OLFM3: variants seen among roughly 807,000 people sequenced by gnomAD.
OLFM3 encodes the protein olfactomedin 3, also known as noelin-3.
A neutral mutation model predicts 48.6 loss-of-function variants in OLFM3; 20 were observed. The observed-to-expected ratio is 0.41, with a 90% CI of 0.29 to 0.60. The LOEUF (loss-of-function observed/expected upper bound fraction) is 0.60, where lower values mean the gene tolerates loss of function less well. Ranked by LOEUF, OLFM3 falls within the 20% of genes least tolerant of loss-of-function variation. The pLI, the probability that OLFM3 is intolerant of heterozygous loss-of-function variation, is 0.28. For missense variants in OLFM3, 437 were observed against 544.3 expected (o/e 0.80, Z 1.96); for synonymous variants, 222 against 198.1 (o/e 1.12, Z -1.01).
At chr1:101,812,639 G>C (rs1654123652) in intron 4 of OLFM3, 1 of 985,522 alleles carries the variant, frequency 1.0e-6, no homozygotes, top group South Asian at 4.7e-5. Context: ...CTTTGGCTTC[G>C]ATGGTGCTTG....
intron 1 of OLFM3, among the ~76,000 whole-genome samples, chr1:101,976,152 T>A (rs1660947364): frequency 6.6e-6 from 1 of 152,214 alleles, no homozygotes; most frequent in Non-Finnish European, 1.5e-5. Flanking sequence ...GTGTGGGTAT[T>A]TTTGTTATTA....
At chr1:101,946,198 C>CTAAG (rs60378430) in intron 1 of OLFM3, among the ~76,000 whole-genome samples, 60,773 of 151,784 alleles carry the variant, frequency 0.4, 12,409 homozygotes, top group East Asian at 0.51. Flanking sequence ...AGACATTTCT[C>CTAAG]TAATCAGAAT....
chr1:101,884,756 T>C (rs1245274179), intron 1 of OLFM3, among the ~76,000 whole-genome samples: 1 of 152,000 alleles, frequency 6.6e-6, no homozygotes, highest in Non-Finnish European at 1.5e-5. Context: ...TGATGCTTTG[T>C]CCCTGAAGTC....
intron 1 of OLFM3, among the ~76,000 whole-genome samples, chr1:101,898,387 C>T (rs1294603906): frequency 6.6e-6 from 1 of 152,152 alleles, no homozygotes; most frequent in Non-Finnish European, 1.5e-5. Context: ...CAAACGCATA[C>T]AGCTTTATCG....
chr1:101,893,255 A>T (rs1238063505), intron 1 of OLFM3: 2 of 309,644 alleles, frequency 6.5e-6, no homozygotes, highest in Non-Finnish European at 1.3e-5. Flanking sequence ...GTGGGGAAAA[A>T]AAAAAGGAAC....
chr1:101,989,726 C>CTT (rs966057195), intron 1 of OLFM3, among the ~76,000 whole-genome samples: 1 of 120,860 alleles, frequency 8.3e-6, no homozygotes, highest in Non-Finnish European at 1.9e-5. Context: ...GGGTCAAGGT[C>CTT]TTTTGAAAAA....
chr1:101,983,035 A>T (rs563145459), intron 1 of OLFM3, among the ~76,000 whole-genome samples: 74 of 152,364 alleles, frequency 4.9e-4, no homozygotes, highest in African/African-American at 1.8e-3. Context: ...AGATAACTAA[A>T]TTCCAGAAAT....
At chr1:101,862,594 T>G (rs1001829641) in intron 1 of OLFM3, among the ~76,000 whole-genome samples, 1 of 152,244 alleles carries the variant, frequency 6.6e-6, no homozygotes, top group African/African-American at 2.4e-5. Context: ...TTCATTCTTA[T>G]GACCTTAGAT....
At chr1:101,871,853 T>C (rs1377817091) in intron 1 of OLFM3, among the ~76,000 whole-genome samples, 1 of 152,086 alleles carries the variant, frequency 6.6e-6, no homozygotes, top group Non-Finnish European at 1.5e-5. Flanking sequence ...AACATATGTA[T>C]TTTAGCTACT....
intron 1 of OLFM3, among the ~76,000 whole-genome samples, chr1:101,891,454 A>G (rs1657994035): frequency 6.6e-6 from 1 of 151,924 alleles, no homozygotes; most frequent in Admixed American, 6.6e-5. Context: ...TAAAAATAAA[A>G]CGTAAGCACT....
intron 1 of OLFM3, among the ~76,000 whole-genome samples, chr1:101,971,647 A>G (rs951897): frequency 0.19 from 28,169 of 152,160 alleles, 2,833 homozygotes; most frequent in Non-Finnish European, 0.2. Context: ...AATATTAAAG[A>G]TATTTTGAGG....
intron 1 of OLFM3, among the ~76,000 whole-genome samples, chr1:101,889,856 T>C (rs1657920020): frequency 6.6e-6 from 1 of 152,100 alleles, no homozygotes; most frequent in Non-Finnish European, 1.5e-5. Context: ...TACTTTTAAA[T>C]ATCTTATTTC....
intron 1 of OLFM3, among the ~76,000 whole-genome samples, chr1:101,928,628 C>T (rs2101045897): frequency 6.6e-6 from 1 of 152,234 alleles, no homozygotes. Context: ...TCTTCCTTCA[C>T]AGAGATTCTA....
intron 4 of OLFM3, among the ~76,000 whole-genome samples, chr1:101,811,576 A>G (rs1654052297): frequency 6.6e-6 from 1 of 152,226 alleles, no homozygotes; most frequent in African/African-American, 2.4e-5. Context: ...GCCAACAGAC[A>G]TATGAAAAAA....
chr1:101,994,119 T>A (rs1298295632), intron 1 of OLFM3, among the ~76,000 whole-genome samples: 1 of 151,578 alleles, frequency 6.6e-6, no homozygotes, highest in Non-Finnish European at 1.5e-5. Context: ...ATATGTAAAA[T>A]CCTATACCTA....
rs188692034 is a variant in OLFM3 at position 101,991,464 on chromosome 1, A to G, written c.69+5284T>C. Reference sequence around the variant, plus strand: ...CGCTTTTTTCTTTATACATTTTCTTAGTACAAAAATTGAAGCTTTAAAAAT... The same window carrying G: ...CGCTTTTTTCTTTATACATTTTCTTGGTACAAAAATTGAAGCTTTAAAAAT... On this transcript the variant is annotated intron_variant, in intron 1 of 5. Transcript: ENST00000370103. Among the ~76,000 whole-genome samples the G allele has an allele frequency of 2.6e-5, 4 of 152,058 alleles. No individual in the cohort carries two copies. The East Asian group carries it at 7.7e-4, about 29-fold the overall frequency.
At chr1:101,874,426 A>C (rs953612432) in intron 1 of OLFM3, among the ~76,000 whole-genome samples, 2 of 151,748 alleles carry the variant, frequency 1.3e-5, no homozygotes, top group Non-Finnish European at 2.9e-5. Context: ...CCTGAACTGC[A>C]GTCAGCTGTT....
chr1:101,838,063 G>T (rs1230854413), intron 1 of OLFM3, among the ~76,000 whole-genome samples: 2 of 151,802 alleles, frequency 1.3e-5, no homozygotes, highest in Admixed American at 6.6e-5. Flanking sequence ...TGGAGTGCAG[G>T]GGTGAGATCA....
chr1:101,964,339 T>A (rs1344935646), intron 1 of OLFM3, among the ~76,000 whole-genome samples: 2 of 152,172 alleles, frequency 1.3e-5, no homozygotes, highest in African/African-American at 4.8e-5. Flanking sequence ...GCATACGGGT[T>A]TTATATACCA....
Sources: gnomAD v4.1 joint callset for allele counts (sites outside exome capture counted in the v4.1 genomes callset) on GRCh38, gnomAD v4.1.1 for gene constraint, MANE v1.5 for transcripts, NCBI Gene and HGNC (gene_info 2026-07-23, HGNC 2026-07-21) for gene names.